The following FBXL12 variants were observed in gnomAD, a reference collection of about 807,000 sequenced individuals.
The protein encoded by FBXL12 is F-box and leucine rich repeat protein 12.
FBXL12 carries 22 observed loss-of-function variants against 24.9 expected under a neutral mutation model. That is an observed-to-expected ratio of 0.88 (90% CI 0.63 to 1.26). The LOEUF is 1.26. FBXL12 is among the 50% of genes most tolerant of loss of function. FBXL12 has a pLI of 0.00. For synonymous variants in FBXL12, 193 were observed against 193.8 expected (o/e 1.00, Z 0.03); for missense variants, 384 against 434.1 (o/e 0.88, Z 1.03).
intron 2 of FBXL12, among the ~76,000 whole-genome samples, chr19:9,816,764 C>T (rs2045893913): frequency 6.6e-6 from 1 of 152,190 alleles, no homozygotes; most frequent in Non-Finnish European, 1.5e-5. Context: ...GGTATCTTTT[C>T]AGCAACGCCC....
At position 9,811,247 on chromosome 19, in the gene FBXL12, C is replaced by T. The variant is rs371239233; in HGVS notation, c.630G>A (p.Leu210=). The T allele has an allele frequency of 1.9e-6, 3 of 1,612,198 alleles. No individual in the cohort carries two copies. Among genetic ancestry groups the T allele is most frequent in the African/African-American group, 1.3e-5 (1 of 74,926 alleles). The change falls in exon 3 of 3, where the codon CTG becomes CTA. Residue 210 remains leucine (L), a synonymous_variant. Transcript: ENST00000247977. This position sits in a 1 kb window ranked among gnomAD's most constrained non-coding sequence, Gnocchi z 6.0. ...TGCTGTCGGCAGACAGGGTGCAGCCCAGCACCTCAAGCCTCTGCAGATAGC... is the reference window on the plus strand; with the variant it reads ...TGCTGTCGGCAGACAGGGTGCAGCCTAGCACCTCAAGCCTCTGCAGATAGC... ...ELSYLQRLEV[L]GCTLSADSTL...
intron 2 of FBXL12, among the ~76,000 whole-genome samples, chr19:9,817,192 C>T (rs556836097): frequency 3.9e-5 from 6 of 152,178 alleles, no homozygotes; most frequent in South Asian, 2.1e-4. Context: ...TCTTCTCAGG[C>T]GGCTGAGGCA....
intron 2 of FBXL12, among the ~76,000 whole-genome samples, chr19:9,812,278 C>T (rs2045771432): frequency 6.6e-6 from 1 of 151,954 alleles, no homozygotes; most frequent in Non-Finnish European, 1.5e-5. Flanking sequence ...TGCCTGTAAT[C>T]CCAGCACTTT....
intron 2 of FBXL12, among the ~76,000 whole-genome samples, chr19:9,816,247 C>T (rs1180764154): frequency 6.6e-6 from 1 of 152,204 alleles, no homozygotes; most frequent in Non-Finnish European, 1.5e-5. Flanking sequence ...TAATTAGGTT[C>T]CTTGCTACTT....
At chr19:9,813,191 A>G (rs757670990) in intron 2 of FBXL12, 175 of 1,163,272 alleles carry the variant, frequency 1.5e-4, no homozygotes, top group Non-Finnish European at 1.6e-4. Context: ...TTTCATTCTA[A>G]GTACAGTTTA....
At chr19:9,818,509 A>T in intron 2 of FBXL12, 36 bp downstream of exon 2, 1 of 1,531,608 alleles carries the variant, frequency 6.5e-7, no homozygotes, top group East Asian at 2.5e-5. Flanking sequence ...GGGCACCGCG[A>T]CCGCGGCCCA....
intron 2 of FBXL12, among the ~76,000 whole-genome samples, chr19:9,816,838 G>C (rs2045895425): frequency 6.6e-6 from 1 of 152,156 alleles, no homozygotes; most frequent in Admixed American, 6.6e-5. Context: ...ACATACCTGA[G>C]ACTGGGAAGA....
chr19:9,813,626 C>T (rs1450722674), intron 2 of FBXL12, among the ~76,000 whole-genome samples: 2 of 151,152 alleles, frequency 1.3e-5, no homozygotes, highest in African/African-American at 2.4e-5. Flanking sequence ...TTCAGCCTCC[C>T]AAGTAGCTGG....
rs1330475127 is a variant in FBXL12, at chr19:9,811,607, G to C, written c.270C>G (p.Ser90=). The change falls in exon 3 of 3, where the codon TCC becomes TCG. Residue 90 remains serine, a synonymous_variant. Coordinates refer to ENST00000247977, the MANE Select transcript of FBXL12 (RefSeq NM_017703.3). This position sits in a 1 kb window ranked among gnomAD's most constrained non-coding sequence, Gnocchi z 6.0. ...LFSGSQAPQL[S]PALLRALGQK... ...GGCCCAGGGCTCTCAACAGAGCAGG[G>C]GACAACTGGGGGGCCTGGGAGCCAG... 5 of 1,544,210 alleles carry C rather than the reference G, an allele frequency of 3.2e-6. No homozygotes were observed. The highest frequency in any genetic ancestry group is 2.6e-6 in the Non-Finnish European group (3 of 1,143,810).
Position 9,811,832 on chromosome 19 carries a change from C to T in FBXL12, c.160-115G>A, listed in dbSNP as rs534000582. The stretch of plus-strand genomic sequence containing the variant: ...GGGATTCTGGTGCCCTGCTGGGCTT[C>T]TGCCCTTGCCTAGCCAGTCTCCTCC... On this transcript the variant is annotated intron_variant, in intron 2 of 2. Coordinates refer to ENST00000247977, the MANE Select transcript of FBXL12 (RefSeq NM_017703.3). This position sits in a 1 kb window ranked among gnomAD's most constrained non-coding sequence, Gnocchi z 6.0. The T allele has an allele frequency of 1.2e-6, 1 of 859,066 alleles. No individual in the cohort carries two copies. Among genetic ancestry groups the T allele is most frequent in the South Asian group, 2.9e-5 (1 of 33,904 alleles). 53.2% of individuals were successfully genotyped at this position (859,066 alleles called of 1,614,324 possible).
chr19:9,810,977 C>G lies in FBXL12; in HGVS notation c.900G>C (p.Glu300Asp), dbSNP rs145064881. The part of the protein sequence containing the change: ...QGLGWEGQEA[E>D]KILCKGLPHC... ...GGGGCAGCCCCTTACACAGGATCTTCTCCGCCTCCTGACCCTCCCACCCCA... is the reference window on the plus strand; with the variant it reads ...GGGGCAGCCCCTTACACAGGATCTTGTCCGCCTCCTGACCCTCCCACCCCA... The change falls in exon 3 of 3, where the codon GAG (glutamate) becomes GAC (aspartate). Residue 300 changes from glutamate to aspartate, a missense_variant. Transcript: ENST00000247977. 3.1e-6 allele frequency: 5 copies of G among 1,613,340 alleles called. No homozygotes were observed. The African/African-American group carries it at 6.7e-5, about 22-fold the overall frequency.
intron 2 of FBXL12, 73 bp downstream of exon 2, chr19:9,818,472 G>A: frequency 2.0e-6 from 3 of 1,468,616 alleles, no homozygotes; most frequent in Non-Finnish European, 2.8e-6. Flanking sequence ...CACAGTCCCA[G>A]GGTGGGAGAG....
At position 9,813,845 on chromosome 19, in the gene FBXL12, G is replaced by T. The variant is rs1379734237; in HGVS notation, c.160-2128C>A. ...GTAGAGACAGGGTTTCTCCATGTAG[G>T]TCAGGCTGGTCTCAAACACCCGACC... On this transcript the variant is annotated intron_variant, in intron 2 of 2. Coordinates refer to ENST00000247977, the MANE Select transcript of FBXL12 (RefSeq NM_017703.3). Among the ~76,000 whole-genome samples the T allele has an allele frequency of 3.3e-5, 5 of 150,084 alleles. No homozygotes were observed. The East Asian group carries it at 9.8e-4, about 30-fold the overall frequency.
At chr19:9,816,560 T>C (rs1485550629) in intron 2 of FBXL12, among the ~76,000 whole-genome samples, 2 of 152,152 alleles carry the variant, frequency 1.3e-5, no homozygotes, top group African/African-American at 2.4e-5. Context: ...TCCCAACAAG[T>C]TTCTCATCTC....
At chr19:9,812,313 T>G (rs1296903700) in intron 2 of FBXL12, among the ~76,000 whole-genome samples, 1 of 151,716 alleles carries the variant, frequency 6.6e-6, no homozygotes, top group African/African-American at 2.4e-5. Context: ...GATGGATCAT[T>G]TGAGGTCAGG....
At chr19:9,818,309 C>A in intron 2 of FBXL12, 1 of 573,124 alleles carries the variant, frequency 1.7e-6, no homozygotes, top group Non-Finnish European at 3.1e-6. Context: ...TCAGTGAAGT[C>A]CCATAATAGC....
intron 2 of FBXL12, 127 bp downstream of exon 2, chr19:9,818,418 G>T: frequency 2.0e-6 from 2 of 979,088 alleles, no homozygotes; most frequent in African/African-American, 1.6e-5. Flanking sequence ...GCCGAGATAG[G>T]CCCCGGATCG....
chr19:9,811,214 C>T lies in FBXL12; in HGVS notation c.663G>A (p.Leu221=), dbSNP rs776725246. The T allele has an allele frequency of 1.9e-6, 3 of 1,613,404 alleles. No individual in the cohort carries two copies. Among genetic ancestry groups the T allele is most frequent in the Admixed American group, 3.3e-5 (2 of 59,998 alleles). The change falls in exon 3 of 3, where the codon CTG becomes CTA. Residue 221 remains leucine (L), a synonymous_variant. Coordinates refer to ENST00000247977, the MANE Select transcript of FBXL12 (RefSeq NM_017703.3). The surrounding 1 kb of genome is among the most constrained non-coding windows in gnomAD (Gnocchi z 6.0). ...CATCTCGGAGGTGGCGGCTGATGGCCAGCAGGGTGCTGTCGGCAGACAGGG... is the reference window on the plus strand; with the variant it reads ...CATCTCGGAGGTGGCGGCTGATGGCTAGCAGGGTGCTGTCGGCAGACAGGG... The part of the protein sequence containing the change: ...GCTLSADSTL[L]AISRHLRDVR...
chr19:9,815,864 G>C (rs903469046), intron 2 of FBXL12, among the ~76,000 whole-genome samples: 1 of 152,130 alleles, frequency 6.6e-6, no homozygotes, highest in African/African-American at 2.4e-5. Context: ...GGCCAGGCTG[G>C]TCTTGAACTC....
Sources: allele counts gnomAD v4.1 joint callset (sites outside exome capture counted in the v4.1 genomes callset), GRCh38; gene constraint gnomAD v4.1.1; non-coding constraint Gnocchi (gnomAD v3.1); transcripts MANE v1.5; gene names NCBI Gene and HGNC (gene_info 2026-07-23, HGNC 2026-07-21).